MYT1L: variants seen among roughly 807,000 people sequenced by gnomAD.
MYT1L encodes the protein myelin transcription factor 1 like.
MYT1L carries 12 observed loss-of-function variants against 126.7 expected under a neutral mutation model. The ratio of observed to expected loss-of-function variants is 0.09; its 90% confidence interval spans 0.06 to 0.15. The LOEUF is 0.15. Ranked by LOEUF, MYT1L falls within the 10% of genes least tolerant of loss-of-function variation. The probability of loss-of-function intolerance (pLI) is 1.00; values close to 1 mark genes in which losing one functional copy is unlikely to be tolerated. For missense variants in MYT1L, 979 were observed against 1,585.2 expected (o/e 0.62, Z 6.49); for synonymous variants, 541 against 604.2 (o/e 0.90, Z 1.53).
chr2:2,230,689 A>G (rs1175232511), intron 2 of MYT1L, among the ~76,000 whole-genome samples: 1 of 152,188 alleles, frequency 6.6e-6, no homozygotes, highest in Admixed American at 6.5e-5. Context: ...CACCGGCACC[A>G]AAGCTGACAG....
chr2:1,988,003 T>C (rs889899189), intron 5 of MYT1L, among the ~76,000 whole-genome samples: 2 of 152,340 alleles, frequency 1.3e-5, no homozygotes, highest in African/African-American at 2.4e-5. Context: ...TTGGAGTAAT[T>C]TGTTCTTTGA....
At chr2:2,026,866 C>G (rs1390617112) in intron 4 of MYT1L, among the ~76,000 whole-genome samples, 1 of 152,182 alleles carries the variant, frequency 6.6e-6, no homozygotes, top group Non-Finnish European at 1.5e-5. Flanking sequence ...CTGCCCCTCT[C>G]CTCGGGAGTG....
intron 2 of MYT1L, among the ~76,000 whole-genome samples, chr2:2,260,121 G>A (rs944116471): frequency 2.6e-5 from 4 of 152,126 alleles, no homozygotes; most frequent in South Asian, 4.1e-4. Context: ...CACCGAGCAC[G>A]GAGATTACAT....
chr2:2,121,947 C>G (rs1001762625), intron 3 of MYT1L, among the ~76,000 whole-genome samples: 1 of 152,198 alleles, frequency 6.6e-6, no homozygotes, highest in African/African-American at 2.4e-5. Flanking sequence ...GGTTGCTTGG[C>G]TGATGCCGGC....
chr2:2,145,893 G>C (rs899407124), intron 3 of MYT1L, among the ~76,000 whole-genome samples: 1 of 152,178 alleles, frequency 6.6e-6, no homozygotes, highest in Non-Finnish European at 1.5e-5. Flanking sequence ...TAAAATGATT[G>C]TTTCAAAAAA....
chr2:1,798,455 G>T (rs2034232560), intron 23 of MYT1L, among the ~76,000 whole-genome samples: 1 of 152,220 alleles, frequency 6.6e-6, no homozygotes, highest in Non-Finnish European at 1.5e-5. Context: ...CCATTCCAGA[G>T]AGAACATCAG....
chr2:2,056,292 A>T (rs1021319874), intron 3 of MYT1L, among the ~76,000 whole-genome samples: 7 of 152,096 alleles, frequency 4.6e-5, no homozygotes, highest in Non-Finnish European at 1.0e-4. Flanking sequence ...GTGAGGACAC[A>T]CCCTCACAAA....
intron 4 of MYT1L, among the ~76,000 whole-genome samples, chr2:2,030,913 G>A (rs578173230): frequency 2.6e-5 from 4 of 152,198 alleles, no homozygotes; most frequent in East Asian, 1.9e-4. Context: ...AAATTGATTC[G>A]GGTTTTAATA....
At chr2:2,179,341 G>A (rs1362414478) in intron 2 of MYT1L, among the ~76,000 whole-genome samples, 1 of 152,134 alleles carries the variant, frequency 6.6e-6, no homozygotes, top group Non-Finnish European at 1.5e-5. Context: ...GAAGCCCCTA[G>A]GCTCAGATAC....
intron 1 of MYT1L, among the ~76,000 whole-genome samples, chr2:2,329,851 A>C (rs1344616678): frequency 6.6e-6 from 1 of 152,154 alleles, no homozygotes; most frequent in Non-Finnish European, 1.5e-5. Context: ...TTTTAGGTCA[A>C]TCAGAAAAAA....
chr2:1,827,901 C>G (rs1328600429), intron 21 of MYT1L: 1 of 152,278 alleles, frequency 6.6e-6, no homozygotes, highest in Non-Finnish European at 1.5e-5. Context: ...AGCTAGTGAT[C>G]TGTCCTGAGA....
chr2:2,064,957 G>C (rs1487474628), intron 3 of MYT1L, among the ~76,000 whole-genome samples: 1 of 152,176 alleles, frequency 6.6e-6, no homozygotes, highest in African/African-American at 2.4e-5. Flanking sequence ...CCAGCACTTT[G>C]AGAGGCTAAG....
At chr2:1,960,601 T>C (rs1182809769) in intron 8 of MYT1L, among the ~76,000 whole-genome samples, 2 of 152,250 alleles carry the variant, frequency 1.3e-5, no homozygotes. Flanking sequence ...CTGCTGAGTG[T>C]TTCAGCCACA....
chr2:2,167,224 C>T (rs371585406), intron 3 of MYT1L, among the ~76,000 whole-genome samples: 3 of 152,264 alleles, frequency 2.0e-5, no homozygotes, highest in African/African-American at 7.2e-5. Context: ...ATATGAAACC[C>T]CCAGGTTTTG....
In MYT1L at chr2:1,791,070, T is replaced by C. The variant is rs2031998883; in HGVS notation, c.*797A>G. 2.7e-6 allele frequency: 1 copy of C among 364,128 alleles called. No homozygotes were observed. Among genetic ancestry groups the C allele is most frequent in the African/African-American group, 2.1e-5 (1 of 46,762 alleles). 22.6% of individuals were successfully genotyped at this position (364,128 alleles called of 1,614,324 possible). ...GATCCTGTCTTAACTGGAGTTTCCA[T>C]AGTCACAACCATGTAACGCTTAGGA... On this transcript the variant is annotated 3_prime_UTR_variant, in exon 25 of 25. Coordinates refer to ENST00000647738, the MANE Select transcript of MYT1L (RefSeq NM_001303052.2). This position sits in a 1 kb window ranked among gnomAD's most constrained non-coding sequence, Gnocchi z 6.0.
At chr2:2,044,439 C>T (rs2067919868) in intron 4 of MYT1L, among the ~76,000 whole-genome samples, 2 of 152,186 alleles carry the variant, frequency 1.3e-5, no homozygotes, top group Admixed American at 1.3e-4. Flanking sequence ...CCCTGCATCC[C>T]AGCAACAGAC....
chr2:1,794,063 C>T (rs181029939), intron 23 of MYT1L, among the ~76,000 whole-genome samples: 20 of 152,290 alleles, frequency 1.3e-4, no homozygotes, highest in African/African-American at 4.1e-4. Flanking sequence ...TAGAATGAGG[C>T]GTCATGGCCC....
chr2:2,229,841 G>C (rs537567357), intron 2 of MYT1L, among the ~76,000 whole-genome samples: 9 of 152,278 alleles, frequency 5.9e-5, no homozygotes, highest in African/African-American at 2.2e-4. Flanking sequence ...ATCTGAACCA[G>C]TGTGCATCTG....
chr2:2,124,885 C>T (rs2081491633), intron 3 of MYT1L, among the ~76,000 whole-genome samples: 2 of 152,186 alleles, frequency 1.3e-5, no homozygotes, highest in Non-Finnish European at 2.9e-5. Context: ...CAGGTCGGTG[C>T]TGGCCTCTCC....
Sources: allele counts gnomAD v4.1 joint callset (sites outside exome capture counted in the v4.1 genomes callset), GRCh38; gene constraint gnomAD v4.1.1; non-coding constraint Gnocchi (gnomAD v3.1); transcripts MANE v1.5; gene names NCBI Gene and HGNC (gene_info 2026-07-23, HGNC 2026-07-21).